MCMBP: variants seen among roughly 807,000 people sequenced by gnomAD.
MCMBP encodes the protein mini-chromosome maintenance complex-binding protein.
Under a neutral mutation model 81.3 loss-of-function variants are expected in MCMBP, and 31 were observed. The observed-to-expected ratio is 0.38, with a 90% CI of 0.29 to 0.51. The LOEUF is 0.51. Ranked by LOEUF, MCMBP falls within the 20% of genes least tolerant of loss-of-function variation. MCMBP has a pLI of 0.87. For synonymous variants in MCMBP, 267 were observed against 275.9 expected (o/e 0.97, Z 0.32); for missense variants, 645 against 772.1 (o/e 0.84, Z 1.95).
At chr10:119,848,849 G>A (rs544487358) in intron 7 of MCMBP, among the ~76,000 whole-genome samples, 6 of 152,186 alleles carry the variant, frequency 3.9e-5, no homozygotes, top group Non-Finnish European at 8.8e-5. Flanking sequence ...CAAAAATGAA[G>A]AAGATATTAT....
intron 12 of MCMBP, among the ~76,000 whole-genome samples, chr10:119,837,783 A>T (rs935288901): frequency 3.3e-5 from 5 of 152,096 alleles, no homozygotes; most frequent in Non-Finnish European, 7.3e-5. Flanking sequence ...ACTCCGTCTC[A>T]AAACAAAAAA....
At chr10:119,859,319 G>A in intron 2 of MCMBP, 138 bp from the exon 3 acceptor site, 1 of 698,644 alleles carries the variant, frequency 1.4e-6, no homozygotes, top group Non-Finnish European at 2.2e-6. Flanking sequence ...TGCCACATCA[G>A]AGAGCCAAAT....
Position 119,843,524 on chromosome 10 carries a change from A to T in MCMBP, c.828-98T>A, listed in dbSNP as rs1311255739. On this transcript the variant is annotated intron_variant, in intron 8 of 15. Transcript: ENST00000369077. ...GAAAACAAAATTAGAGTTAAAGCCA[A>T]GAATATTTCCACCTGTACATCTCCT... 5 of 1,183,328 alleles carry T rather than the reference A, an allele frequency of 4.2e-6. No homozygotes were observed. The East Asian group carries it at 1.0e-4, about 25-fold the overall frequency. The allele number at this position is 1,183,328 out of a possible 1,614,324, so 73.3% of individuals were successfully genotyped here.
intron 8 of MCMBP, among the ~76,000 whole-genome samples, chr10:119,844,152 C>T (rs931897859): frequency 3.3e-5 from 5 of 152,118 alleles, no homozygotes; most frequent in African/African-American, 4.8e-5. Flanking sequence ...GTGGAGAATC[C>T]ATTCATCTCT....
intron 6 of MCMBP, among the ~76,000 whole-genome samples, chr10:119,852,046 G>A (rs2096864647): frequency 6.6e-6 from 1 of 150,602 alleles, no homozygotes; most frequent in Non-Finnish European, 1.5e-5. Flanking sequence ...CAGCTACTCA[G>A]GAGGCTGAGG....
chr10:119,837,656 T>C (rs1205917698), intron 12 of MCMBP, among the ~76,000 whole-genome samples: 4 of 152,028 alleles, frequency 2.6e-5, no homozygotes, highest in African/African-American at 9.7e-5. Context: ...TGATGGCGGG[T>C]GCCTGTAGTC....
intron 1 of MCMBP, among the ~76,000 whole-genome samples, chr10:119,871,194 T>C (rs964202207): frequency 6.6e-6 from 1 of 152,346 alleles, no homozygotes; most frequent in Admixed American, 6.5e-5. Context: ...CTTAAACCAA[T>C]GCTACAATTG....
At chr10:119,858,985 C>G in intron 3 of MCMBP, 56 bp downstream of exon 3, 2 of 1,610,520 alleles carry the variant, frequency 1.2e-6, no homozygotes, top group Non-Finnish European at 1.7e-6. Context: ...AAAACTACCA[C>G]CAACAGTAAA....
At chr10:119,838,969 G>T (rs1354925883) in intron 11 of MCMBP, among the ~76,000 whole-genome samples, 1 of 152,060 alleles carries the variant, frequency 6.6e-6, no homozygotes, top group Non-Finnish European at 1.5e-5. Context: ...GAAACAAATG[G>T]TAGATAACTG....
chr10:119,831,320 CAT>C lies in MCMBP; in HGVS notation c.*152_*153del. On this transcript the variant is annotated 3_prime_UTR_variant, in exon 16 of 16. Transcript: ENST00000369077. ...TAAGGTAAAAGTCCTTACTGAATAT[CAT>C]ATAAACATCAGGTGTTACCAGGCTT... is the stretch of plus-strand genomic sequence containing the variant. 2 of 740,934 alleles carry C rather than the reference CAT, an allele frequency of 2.7e-6. No individual in the cohort carries two copies. The highest frequency in any genetic ancestry group is 2.9e-5 in the East Asian group (1 of 34,496). The allele number at this position is 740,934 out of a possible 1,614,324, so 45.9% of individuals were successfully genotyped here.
chr10:119,856,324 TAA>T (rs1355565360), intron 5 of MCMBP, among the ~76,000 whole-genome samples: 1 of 152,194 alleles, frequency 6.6e-6, no homozygotes, highest in Non-Finnish European at 1.5e-5. Context: ...GTAAATAACC[TAA>T]ATGCTCAATT....
At chr10:119,864,959 G>T (rs1468252728) in intron 1 of MCMBP, among the ~76,000 whole-genome samples, 1 of 152,178 alleles carries the variant, frequency 6.6e-6, no homozygotes, top group Non-Finnish European at 1.5e-5. Context: ...TTATCTTGGT[G>T]AATTTACATG....
chr10:119,829,573 G>C lies in MCMBP; in HGVS notation c.*1901C>G, dbSNP rs1437218401. The C allele has an allele frequency of 6.6e-6, 1 of 152,136 alleles. No individual in the cohort carries two copies. Among genetic ancestry groups the C allele is most frequent in the East Asian group, 1.9e-4 (1 of 5,210 alleles). 9.4% of individuals were successfully genotyped at this position (152,136 alleles called of 1,614,324 possible). A position where few individuals can be genotyped will look rare whatever the true frequency, so the allele number is the denominator to read the frequency against. ...TTACGTTAGAGCAACAAACTTGACT[G>C]TCCGTGTATATATAGGTGAGGGACA... On this transcript the variant is annotated 3_prime_UTR_variant, in exon 16 of 16. Coordinates refer to ENST00000369077, the MANE Select transcript of MCMBP (RefSeq NM_001256378.2).
intron 1 of MCMBP, among the ~76,000 whole-genome samples, chr10:119,870,433 C>T (rs1387254574): frequency 2.7e-5 from 4 of 150,348 alleles, no homozygotes; most frequent in Non-Finnish European, 5.9e-5. Flanking sequence ...GGTGACAGTG[C>T]GAGACTGTCT....
intron 13 of MCMBP, 139 bp downstream of exon 13, chr10:119,836,757 G>GTTTTTTTTTTTTTTTTTTTTTTT (rs199759464): frequency 3.5e-6 from 1 of 288,162 alleles, no homozygotes; most frequent in African/African-American, 3.2e-5. Context: ...AGCAGTCACA[G>GTTTTTTTTTTTTTTTTTTTTTTT]TTTTTTTTTT....
chr10:119,835,651 C>T lies in MCMBP; in HGVS notation c.1596G>A (p.Glu532=). 1 of 1,614,214 alleles carries T rather than the reference C, an allele frequency of 6.2e-7. No individual in the cohort carries two copies. The highest frequency in any genetic ancestry group is 8.5e-7 in the Non-Finnish European group (1 of 1,180,022). Residue 532 remains glutamate (E), a synonymous_variant, in exon 14 of 16, where the codon GAG becomes GAA. Transcript: ENST00000369077. ...QPQLIPPNME[E]YMNSLLSAVL... is the part of the protein sequence containing the mutation. ...CCGCTGAGAGAAGGCTGTTCATGTA[C>T]TCCTCCATGTTTGGTGGAATTAGCT...
At chr10:119,863,502 C>T (rs970148000) in intron 1 of MCMBP, among the ~76,000 whole-genome samples, 10 of 151,876 alleles carry the variant, frequency 6.6e-5, no homozygotes, top group East Asian at 3.9e-4. Flanking sequence ...GAGGCCGAGG[C>T]GGGCGGATCA....
At chr10:119,864,763 A>G (rs781064632) in intron 1 of MCMBP, among the ~76,000 whole-genome samples, 8 of 152,160 alleles carry the variant, frequency 5.3e-5, no homozygotes, top group Non-Finnish European at 7.4e-5. Context: ...TCTTCTAATT[A>G]AGGCAGCTAA....
intron 1 of MCMBP, among the ~76,000 whole-genome samples, chr10:119,868,021 C>A (rs1853533537): frequency 6.6e-6 from 1 of 152,216 alleles, no homozygotes; most frequent in South Asian, 2.1e-4. Flanking sequence ...CCCCTCTTCA[C>A]CCAACCCTGC....
Sources: gnomAD v4.1 joint callset for allele counts (sites outside exome capture counted in the v4.1 genomes callset) on GRCh38, gnomAD v4.1.1 for gene constraint, MANE v1.5 for transcripts, NCBI Gene and HGNC (gene_info 2026-07-23, HGNC 2026-07-21) for gene names.